RHBDD1: variants seen among roughly 807,000 people sequenced by gnomAD.
RHBDD1 encodes rhomboid domain containing 1, also known as rhomboid-related protein 4.
In RHBDD1, 38 loss-of-function variants were observed where a neutral mutation model predicts 36.3. The observed-to-expected ratio is 1.05, with a 90% CI of 0.81 to 1.37. RHBDD1 has a LOEUF of 1.37. Among genes scored for constraint, RHBDD1 ranks in the 40% most tolerant of loss-of-function variants. The pLI, the probability that RHBDD1 is intolerant of heterozygous loss-of-function variation, is 0.00. For synonymous variants in RHBDD1, 151 were observed against 136.5 expected, an observed-to-expected ratio of 1.11 and a Z score of -0.74; for missense variants, 393 against 377.6, an observed-to-expected ratio of 1.04 and a Z score of -0.34.
upstream of RHBDD1, among the ~76,000 whole-genome samples, chr2:226,830,779 C>T (rs1221291997): frequency 1.3e-5 from 2 of 152,064 alleles, no homozygotes; most frequent in Non-Finnish European, 2.9e-5. Flanking sequence ...CTCAAGTGAT[C>T]CCCCCGCCTC....
rs1189749200 is a variant in RHBDD1 at position 226,995,651 on chromosome 2, C to A, written c.*129C>A. On this transcript the variant is annotated 3_prime_UTR_variant, in exon 9 of 9. Transcript: ENST00000392062. ...TACACCGGTATTGCTCCAGATCGCT[C>A]ACATCACCTGGGACAGTCCCATGGC... 15 of 697,974 alleles carry A rather than the reference C, an allele frequency of 2.1e-5. No individual in the cohort carries two copies. The East Asian group carries it at 4.1e-4, about 19-fold the overall frequency. The allele number at this position is 697,974 out of a possible 1,614,324, so 43.2% of individuals were successfully genotyped here.
At chr2:226,899,742 TAAA>T (rs1245973403) in intron 5 of RHBDD1, among the ~76,000 whole-genome samples, 2 of 152,146 alleles carry the variant, frequency 1.3e-5, no homozygotes, top group Non-Finnish European at 2.9e-5. Flanking sequence ...GATGCTGAAA[TAAA>T]AACCTTTTAG....
chr2:226,909,630 A>G (rs1377063780), intron 7 of RHBDD1, among the ~76,000 whole-genome samples: 3 of 152,084 alleles, frequency 2.0e-5, no homozygotes, highest in East Asian at 1.9e-4. Context: ...GCCCTCATGA[A>G]TGGGATTAAT....
At chr2:226,907,017 G>C in intron 6 of RHBDD1, 136 bp downstream of exon 6, 1 of 903,848 alleles carries the variant, frequency 1.1e-6, no homozygotes, top group Non-Finnish European at 1.8e-6. Context: ...TTTTTAAACC[G>C]AAAGGTAAAA....
At chr2:226,946,394 A>C (rs1950995493) in intron 8 of RHBDD1, among the ~76,000 whole-genome samples, 1 of 152,052 alleles carries the variant, frequency 6.6e-6, no homozygotes. Flanking sequence ...GTTCTGTTCC[A>C]TTGGTCTATA....
intron 8 of RHBDD1, among the ~76,000 whole-genome samples, chr2:226,953,534 A>G (rs1298368897): frequency 6.6e-6 from 1 of 152,176 alleles, no homozygotes; most frequent in Non-Finnish European, 1.5e-5. Context: ...CCCTGGGCTT[A>G]TCCTGGAATC....
intron 8 of RHBDD1, among the ~76,000 whole-genome samples, chr2:226,979,626 A>G (rs948368172): frequency 8.5e-5 from 13 of 152,234 alleles, no homozygotes; most frequent in Non-Finnish European, 1.8e-4. Flanking sequence ...AAGACTCAGC[A>G]GGCTGGGTAC....
At chr2:226,906,643 C>T (rs748660537) in intron 5 of RHBDD1, 150 bp from the exon 6 acceptor site, 80 of 1,483,020 alleles carry the variant, frequency 5.4e-5, no homozygotes, top group Admixed American at 1.5e-4. Context: ...GTTCTTTGGA[C>T]TGAGTTAAAT....
chr2:226,861,508 TGAGGG>T (rs1943852165), intron 3 of RHBDD1, among the ~76,000 whole-genome samples: 1 of 152,230 alleles, frequency 6.6e-6, no homozygotes, highest in Non-Finnish European at 1.5e-5. Context: ...TGATTGTAAT[TGAGGG>T]GCAAGTTTTT....
intron 3 of RHBDD1, among the ~76,000 whole-genome samples, chr2:226,853,456 G>A (rs988142870): frequency 2.6e-5 from 4 of 152,194 alleles, no homozygotes; most frequent in Non-Finnish European, 5.9e-5. Flanking sequence ...CTGCTGGGGC[G>A]GCTCACAGGC....
rs1367328686 is a variant in RHBDD1 at position 226,877,553 on chromosome 2, T to C, written c.566+10235T>C. Among the ~76,000 whole-genome samples, 13 of 148,960 alleles carry C rather than the reference T, an allele frequency of 8.7e-5. 1 individual carries two copies. Among genetic ancestry groups the C allele is most frequent in the Admixed American group, 7.4e-4 (11 of 14,932 alleles). ...TTAGAAAATGTGAGCCATTTTCCTT[T>C]TTTTTTTTTTTTTTTTTAACCATAG... On this transcript the variant is annotated intron_variant, in intron 5 of 8. Transcript: ENST00000392062.
At chr2:226,902,461 A>G (rs887589549) in intron 5 of RHBDD1, among the ~76,000 whole-genome samples, 8 of 152,158 alleles carry the variant, frequency 5.3e-5, no homozygotes, top group Admixed American at 2.0e-4. Flanking sequence ...AGGTCCATCT[A>G]TCTTCTCGCT....
chr2:226,889,128 A>G (rs1443559097), intron 5 of RHBDD1, among the ~76,000 whole-genome samples: 1 of 152,224 alleles, frequency 6.6e-6, no homozygotes, highest in Non-Finnish European at 1.5e-5. Flanking sequence ...GGTCTTGAGC[A>G]TGCTGACTGT....
chr2:226,812,708 C>G, the RHBDD1 span, among the ~76,000 whole-genome samples: 763 of 151,670 alleles, frequency 5.0e-3, 7 homozygotes, highest in African/African-American at 0.018. Context: ...GAATGGCAAA[C>G]AAGATATCTT....
intron 8 of RHBDD1, among the ~76,000 whole-genome samples, chr2:226,942,330 C>A (rs561242737): frequency 6.6e-6 from 1 of 151,932 alleles, no homozygotes; most frequent in South Asian, 2.1e-4. Flanking sequence ...GCTCTGTTTC[C>A]CGGGTTCATG....
chr2:226,859,841 C>T (rs1027855810), intron 3 of RHBDD1, among the ~76,000 whole-genome samples: 9 of 151,996 alleles, frequency 5.9e-5, no homozygotes, highest in Admixed American at 4.6e-4. Flanking sequence ...ACTGGGGAGT[C>T]CAGCTTCAGT....
At chr2:226,812,916 T>C in the RHBDD1 span, among the ~76,000 whole-genome samples, 6 of 152,192 alleles carry the variant, frequency 3.9e-5, no homozygotes, top group Non-Finnish European at 7.4e-5. Context: ...GTAGGTACTA[T>C]TTTAAGCCCT....
intron 8 of RHBDD1, among the ~76,000 whole-genome samples, chr2:226,967,788 TG>T (rs1342386802): frequency 2.0e-5 from 3 of 151,984 alleles, no homozygotes; most frequent in African/African-American, 7.3e-5. Context: ...AGAGGGCTTT[TG>T]GGTTGTTGAA....
rs1275309322 is a variant in RHBDD1, at chr2:226,998,251, C to T, written c.*2729C>T. On this transcript the variant is annotated 3_prime_UTR_variant, in exon 9 of 9. Coordinates refer to ENST00000392062, the MANE Select transcript of RHBDD1 (RefSeq NM_001167608.3). ...AAGTTGTACATAATTGTTCAGACCT[C>T]CTCCATCCTTTTAAATTGCCTGCTG... 2 of 152,200 alleles carry T rather than the reference C, an allele frequency of 1.3e-5. No homozygotes were observed. Among genetic ancestry groups the T allele is most frequent in the African/African-American group, 2.4e-5 (1 of 41,454 alleles). The allele number at this position is 152,200 out of a possible 1,614,324, so 9.4% of individuals were successfully genotyped here.
Sources: allele counts gnomAD v4.1 joint callset (sites outside exome capture counted in the v4.1 genomes callset), GRCh38; gene constraint gnomAD v4.1.1; transcripts MANE v1.5; gene names NCBI Gene and HGNC (gene_info 2026-07-23, HGNC 2026-07-21).